The following PDLIM5 variants were observed in gnomAD, a reference collection of about 807,000 sequenced individuals.
PDLIM5 encodes the protein PDZ and LIM domain 5.
In PDLIM5, 34 loss-of-function variants were observed where a neutral mutation model predicts 64.2. That is an observed-to-expected ratio of 0.53 (90% confidence interval 0.40 to 0.71). The LOEUF (loss-of-function observed/expected upper bound fraction) is 0.71, where lower values mean the gene tolerates loss of function less well. Among genes scored for constraint, PDLIM5 ranks in the 30% least tolerant of loss-of-function variants. The pLI, the probability that PDLIM5 is intolerant of heterozygous loss-of-function variation, is 0.00. For synonymous variants in PDLIM5, 253 were observed against 269.1 expected, an observed-to-expected ratio of 0.94 and a Z score of 0.59; for missense variants, 683 against 733.6, an observed-to-expected ratio of 0.93 and a Z score of 0.80.
intron 7 of PDLIM5, among the ~76,000 whole-genome samples, chr4:94,595,166 A>G (rs1736970797): frequency 6.6e-6 from 1 of 152,196 alleles, no homozygotes; most frequent in Non-Finnish European, 1.5e-5. Flanking sequence ...CACCCCAATG[A>G]TCCAGGTACC....
chr4:94,651,184 T>G (rs1002249904), intron 9 of PDLIM5, among the ~76,000 whole-genome samples: 2 of 152,214 alleles, frequency 1.3e-5, no homozygotes, highest in African/African-American at 4.8e-5. Context: ...TTGTTTAATC[T>G]GTGCATAATT....
At chr4:94,601,247 C>T (rs1737466272) in intron 7 of PDLIM5, among the ~76,000 whole-genome samples, 1 of 152,136 alleles carries the variant, frequency 6.6e-6, no homozygotes, top group African/African-American at 2.4e-5. Context: ...ATAGATGATG[C>T]CTTCTCACTG....
intron 3 of PDLIM5, among the ~76,000 whole-genome samples, chr4:94,550,427 A>G (rs1732708981): frequency 6.6e-6 from 1 of 152,226 alleles, no homozygotes. Context: ...AGCAAATGCC[A>G]TTGTCCTTGT....
chr4:94,550,931 A>T (rs1732750637), intron 3 of PDLIM5, among the ~76,000 whole-genome samples: 1 of 152,148 alleles, frequency 6.6e-6, no homozygotes, highest in African/African-American at 2.4e-5. Context: ...TTAAATAGAT[A>T]CAGAAAGAAG....
At chr4:94,588,828 T>C (rs1297014236) in intron 7 of PDLIM5, among the ~76,000 whole-genome samples, 1 of 152,206 alleles carries the variant, frequency 6.6e-6, no homozygotes, top group African/African-American at 2.4e-5. Flanking sequence ...GCTTGATAAT[T>C]TGGAGAAACT....
chr4:94,509,860 T>G (rs1415582308), intron 2 of PDLIM5, among the ~76,000 whole-genome samples: 1 of 152,184 alleles, frequency 6.6e-6, no homozygotes, highest in Non-Finnish European at 1.5e-5. Context: ...CCACCTAGAT[T>G]AAGGCTGGGT....
intron 3 of PDLIM5, among the ~76,000 whole-genome samples, chr4:94,565,846 G>A (rs1033547754): frequency 6.6e-6 from 1 of 152,012 alleles, no homozygotes; most frequent in East Asian, 1.9e-4. Context: ...TGTGCATATT[G>A]TACAGTCTGT....
At chr4:94,579,056 C>T (rs2110294422) in intron 5 of PDLIM5, among the ~76,000 whole-genome samples, 1 of 152,054 alleles carries the variant, frequency 6.6e-6, no homozygotes, top group African/African-American at 2.4e-5. Context: ...AGCTGTTCAT[C>T]CTAATAGCAT....
intron 9 of PDLIM5, among the ~76,000 whole-genome samples, chr4:94,645,991 A>G (rs1741381448): frequency 6.6e-6 from 1 of 152,198 alleles, no homozygotes; most frequent in Non-Finnish European, 1.5e-5. Flanking sequence ...TTTGTACAGC[A>G]TATATGTATT....
chr4:94,581,645 CGTTAAA>C (rs1735741072), intron 5 of PDLIM5, among the ~76,000 whole-genome samples: 1 of 152,072 alleles, frequency 6.6e-6, no homozygotes, highest in Admixed American at 6.6e-5. Flanking sequence ...CCAGTCTTAG[CGTTAAA>C]ACTGGTAGGC....
chr4:94,609,535 T>C (rs1255801519), intron 7 of PDLIM5, among the ~76,000 whole-genome samples: 1 of 152,218 alleles, frequency 6.6e-6, no homozygotes, highest in Non-Finnish European at 1.5e-5. Flanking sequence ...GAAAAGGTGA[T>C]GTTTTGATCA....
At chr4:94,568,746 A>G (rs1050431123) in intron 3 of PDLIM5, among the ~76,000 whole-genome samples, 1 of 152,234 alleles carries the variant, frequency 6.6e-6, no homozygotes, top group African/African-American at 2.4e-5. Flanking sequence ...ACATAATTTG[A>G]AAACAGTTTT....
chr4:94,545,422 G>A (rs548818412), intron 3 of PDLIM5, among the ~76,000 whole-genome samples: 1 of 152,218 alleles, frequency 6.6e-6, no homozygotes, highest in East Asian at 1.9e-4. Context: ...TTCATTGTTT[G>A]TGTATGTTTT....
At chr4:94,557,445 A>T (rs1476266545) in intron 3 of PDLIM5, among the ~76,000 whole-genome samples, 1 of 152,208 alleles carries the variant, frequency 6.6e-6, no homozygotes. Context: ...CTGTGAAGAA[A>T]GTCAGTGGTA....
chr4:94,632,108 A>G (rs1167905523), intron 8 of PDLIM5, among the ~76,000 whole-genome samples: 2 of 152,210 alleles, frequency 1.3e-5, no homozygotes, highest in African/African-American at 2.4e-5. Flanking sequence ...GAAACTCAGC[A>G]TTTTCCCACC....
At chr4:94,587,262 G>A in intron 7 of PDLIM5, 2 of 1,346,538 alleles carry the variant, frequency 1.5e-6, no homozygotes, top group Non-Finnish European at 1.9e-6. Context: ...TGTGCTAGTT[G>A]GTAGCTCACA....
intron 4 of PDLIM5, 169 bp downstream of exon 4, chr4:94,573,562 A>G: frequency 1.4e-6 from 1 of 715,774 alleles, no homozygotes; most frequent in Non-Finnish European, 2.6e-6. Context: ...GGAGATCAGC[A>G]CATACCATTT....
chr4:94,611,666 T>C (rs577453305), intron 7 of PDLIM5, among the ~76,000 whole-genome samples: 7 of 152,232 alleles, frequency 4.6e-5, no homozygotes, highest in Admixed American at 1.3e-4. Flanking sequence ...TGGGAAATGC[T>C]AAACACCAAA....
intron 7 of PDLIM5, among the ~76,000 whole-genome samples, chr4:94,613,298 A>G (rs1402365368): frequency 6.6e-6 from 1 of 152,182 alleles, no homozygotes; most frequent in Non-Finnish European, 1.5e-5. Context: ...TTAAACATGT[A>G]ATTAGAATAA....
Sources: gnomAD v4.1 joint callset for allele counts (sites outside exome capture counted in the v4.1 genomes callset) on GRCh38, gnomAD v4.1.1 for gene constraint, MANE v1.5 for transcripts, NCBI Gene and HGNC (gene_info 2026-07-23, HGNC 2026-07-21) for gene names.